DGKB: variants seen among roughly 807,000 people sequenced by gnomAD.
The protein encoded by DGKB is 90 kDa diacylglycerol kinase.
DGKB carries 67 observed loss-of-function variants against 114.3 expected under a neutral mutation model. The ratio of observed to expected loss-of-function variants is 0.59; its 90% confidence interval spans 0.48 to 0.72. The LOEUF (loss-of-function observed/expected upper bound fraction) is 0.72, where lower values mean the gene tolerates loss of function less well. Among genes scored for constraint, DGKB ranks in the 30% least tolerant of loss-of-function variants. DGKB has a pLI of 0.00. For missense variants in DGKB, 907 were observed against 975.2 expected (o/e 0.93, Z 0.93); for synonymous variants, 398 against 323.1 (o/e 1.23, Z -2.49).
At chr7:14,282,705 A>G (rs1364214686) in intron 23 of DGKB, among the ~76,000 whole-genome samples, 7 of 151,884 alleles carry the variant, frequency 4.6e-5, no homozygotes, top group Admixed American at 2.0e-4. Flanking sequence ...AGGCAGGTTC[A>G]ATATACGCAA....
chr7:14,586,617 C>T (rs2128736029), intron 17 of DGKB, among the ~76,000 whole-genome samples: 1 of 152,192 alleles, frequency 6.6e-6, no homozygotes, highest in African/African-American at 2.4e-5. Context: ...GAAGTCAATG[C>T]CTGGCCTCAA....
chr7:14,249,736 C>A (rs1401099773), intron 23 of DGKB, among the ~76,000 whole-genome samples: 1 of 152,016 alleles, frequency 6.6e-6, no homozygotes, highest in African/African-American at 2.4e-5. Context: ...TTATCCTAGT[C>A]TAATTAAAGG....
chr7:14,334,649 C>G (rs933728381), intron 23 of DGKB, among the ~76,000 whole-genome samples: 33 of 151,954 alleles, frequency 2.2e-4, no homozygotes, highest in African/African-American at 7.7e-4. Context: ...CAATGGAACA[C>G]AGTTTGAAAA....
intron 1 of DGKB, among the ~76,000 whole-genome samples, chr7:14,870,715 A>G (rs1852329150): frequency 6.6e-6 from 1 of 152,146 alleles, no homozygotes; most frequent in African/African-American, 2.4e-5. Context: ...GAATCGCTTG[A>G]ACCCAGGAGG....
chr7:14,805,897 T>C (rs543155013), intron 2 of DGKB, among the ~76,000 whole-genome samples: 1 of 150,432 alleles, frequency 6.6e-6, no homozygotes, highest in East Asian at 1.9e-4. Context: ...ATATTTTATA[T>C]TTATAATAAT....
intron 9 of DGKB, among the ~76,000 whole-genome samples, chr7:14,689,199 A>ATTTATTTTTTTT (rs1822291187): frequency 2.6e-5 from 2 of 76,572 alleles, no homozygotes; most frequent in East Asian, 7.0e-4. Flanking sequence ...AACTCCTCTT[A>ATTTATTTTTTTT]TTTTTTTTTT....
rs149392374 is a variant in DGKB, at chr7:14,570,681, G to A, written c.1770+3531C>T. ...TAACTGGAAGTTGATCATCATAAAG[G>A]TCTTTATCTTCATCATCTTCAGATT... On this transcript the variant is annotated intron_variant, in intron 20 of 25. Transcript: ENST00000402815. Among the ~76,000 whole-genome samples the A allele has an allele frequency of 1.1e-3, 171 of 152,134 alleles. 2 individuals are homozygous for A. In the East Asian group the frequency reaches 0.026, roughly 23 times the overall value.
intron 21 of DGKB, among the ~76,000 whole-genome samples, chr7:14,348,502 A>G (rs753970783): frequency 6.6e-5 from 10 of 152,074 alleles, no homozygotes; most frequent in Non-Finnish European, 1.3e-4. Flanking sequence ...GATGGAAAAA[A>G]AAATGTAAAG....
intron 21 of DGKB, among the ~76,000 whole-genome samples, chr7:14,431,143 T>C (rs1393763568): frequency 6.6e-6 from 1 of 152,148 alleles, no homozygotes; most frequent in Non-Finnish European, 1.5e-5. Context: ...TCTTTCATTG[T>C]TATGTGTGTA....
chr7:14,956,105 T>G (rs1786491159), intron 1 of DGKB, among the ~76,000 whole-genome samples: 1 of 151,960 alleles, frequency 6.6e-6, no homozygotes, highest in Non-Finnish European at 1.5e-5. Flanking sequence ...CAAAATATGC[T>G]AAGACTCATC....
intron 1 of DGKB, among the ~76,000 whole-genome samples, chr7:14,917,548 G>C (rs1363725072): frequency 6.6e-6 from 1 of 151,900 alleles, no homozygotes; most frequent in Non-Finnish European, 1.5e-5. Flanking sequence ...TTCCTTGAAA[G>C]ACATGATCTA....
intron 1 of DGKB, among the ~76,000 whole-genome samples, chr7:14,944,314 T>A (rs550657427): frequency 6.6e-6 from 1 of 151,832 alleles, no homozygotes; most frequent in Non-Finnish European, 1.5e-5. Context: ...AGTAATAGAA[T>A]TGTCAGTATT....
chr7:14,601,573 G>T (rs1803554461), intron 17 of DGKB, among the ~76,000 whole-genome samples: 1 of 152,070 alleles, frequency 6.6e-6, no homozygotes, highest in Non-Finnish European at 1.5e-5. Flanking sequence ...GACAAATTCT[G>T]TCACTAATTC....
chr7:14,171,696 A>G (rs532552103), intron 25 of DGKB, among the ~76,000 whole-genome samples: 6 of 152,364 alleles, frequency 3.9e-5, no homozygotes, highest in Admixed American at 3.3e-4. Flanking sequence ...ATGTATTTAT[A>G]TATAAAAATA....
intron 2 of DGKB, among the ~76,000 whole-genome samples, chr7:14,775,464 G>C (rs1482530628): frequency 6.7e-6 from 1 of 150,110 alleles, no homozygotes; most frequent in African/African-American, 2.4e-5. Context: ...GCCATTGAAA[G>C]TGAAGGCCAA....
chr7:14,484,652 T>G (rs1398064869), intron 20 of DGKB, among the ~76,000 whole-genome samples: 2 of 152,168 alleles, frequency 1.3e-5, no homozygotes, highest in African/African-American at 4.8e-5. Flanking sequence ...GCCAATTAAA[T>G]CTCTTTTCTT....
intron 23 of DGKB, among the ~76,000 whole-genome samples, chr7:14,321,988 GTATT>G (rs1428258134): frequency 2.6e-5 from 4 of 152,174 alleles, no homozygotes; most frequent in Non-Finnish European, 4.4e-5. Flanking sequence ...AATCCCTGTG[GTATT>G]TATTTATTTA....
intron 25 of DGKB, among the ~76,000 whole-genome samples, chr7:14,163,282 A>G (rs1311727110): frequency 6.6e-6 from 1 of 152,146 alleles, no homozygotes. Flanking sequence ...GGTGCTTTAC[A>G]TCTTAACATT....
intron 23 of DGKB, among the ~76,000 whole-genome samples, chr7:14,252,578 A>C (rs1430458497): frequency 6.6e-6 from 1 of 152,076 alleles, no homozygotes; most frequent in Non-Finnish European, 1.5e-5. Flanking sequence ...GTGGGTAAAC[A>C]TTGCTGGCAC....
Sources: gnomAD v4.1 joint callset for allele counts (sites outside exome capture counted in the v4.1 genomes callset) on GRCh38, gnomAD v4.1.1 for gene constraint, MANE v1.5 for transcripts, NCBI Gene and HGNC (gene_info 2026-07-23, HGNC 2026-07-21) for gene names.